The following DCDC1 variants were observed in gnomAD, a reference collection of about 807,000 sequenced individuals.
DCDC1 encodes the protein doublecortin domain-containing protein 1.
Under a neutral mutation model 178.3 loss-of-function variants are expected in DCDC1, and 200 were observed. The observed-to-expected ratio is 1.12, with a 90% CI of 1.00 to 1.26. The LOEUF is 1.26. DCDC1 is among the 50% of genes most tolerant of loss of function. The pLI is 0.00. For missense variants in DCDC1, 1,983 were observed against 1,749.2 expected, an observed-to-expected ratio of 1.13 and a Z score of -2.38; for synonymous variants, 690 against 604.8, an observed-to-expected ratio of 1.14 and a Z score of -2.07.
intron 14 of DCDC1, among the ~76,000 whole-genome samples, chr11:31,102,693 G>T (rs560322803): frequency 1.3e-5 from 2 of 152,306 alleles, no homozygotes; most frequent in African/African-American, 4.8e-5. Flanking sequence ...ATCTGCTGCA[G>T]TGTCCAATAT....
chr11:30,911,380 C>G lies in DCDC1; in HGVS notation c.3694G>C (p.Val1232Leu), dbSNP rs1397276764. 1 of 1,605,360 alleles carries G rather than the reference C, an allele frequency of 6.2e-7. No individual in the cohort carries two copies. Among genetic ancestry groups the G allele is most frequent in the Non-Finnish European group, 8.5e-7 (1 of 1,175,914 alleles). The change falls in exon 28 of 39, where the codon GTG (valine) becomes CTG (leucine). Residue 1232 changes from valine (V) to leucine (L), a missense_variant. Coordinates refer to ENST00000684477, the MANE Select transcript of DCDC1 (RefSeq NM_001387274.1). ...TCATTTCTAGTCTTGGTCATAGACA[C>G]TGCCAGCACAAGGTCAGGGTTACTC... ...LVSNPDLVLA[V>L]SMTKTRNEVC...
intron 21 of DCDC1, among the ~76,000 whole-genome samples, chr11:30,947,481 A>G (rs929945589): frequency 6.6e-6 from 1 of 152,200 alleles, no homozygotes; most frequent in Non-Finnish European, 1.5e-5. Flanking sequence ...TTCTTCAATA[A>G]ATGGTGCTGG....
chr11:31,105,086 A>G (rs1286344169), intron 13 of DCDC1, among the ~76,000 whole-genome samples: 2 of 152,086 alleles, frequency 1.3e-5, no homozygotes, highest in Non-Finnish European at 2.9e-5. Context: ...TTTTCTCAAC[A>G]TATTTCAAAC....
chr11:31,020,895 A>G (rs918526296), intron 20 of DCDC1, among the ~76,000 whole-genome samples: 3 of 152,252 alleles, frequency 2.0e-5, no homozygotes, highest in Non-Finnish European at 4.4e-5. Context: ...TTCCCATTAT[A>G]TAAAATTCTT....
At position 30,894,301 on chromosome 11, in the gene DCDC1, T is replaced by A. The variant is rs1205123589; in HGVS notation, c.4849A>T (p.Thr1617Ser). The A allele has an allele frequency of 1.2e-6, 2 of 1,613,826 alleles. No homozygotes were observed. Among genetic ancestry groups the A allele is most frequent in the African/African-American group, 2.7e-5 (2 of 74,938 alleles). The change falls in exon 35 of 39, where the codon ACC (threonine) becomes TCC (serine). Residue 1617 changes from threonine to serine, a missense_variant. Transcript: ENST00000684477. ...VQPVVVEGGW[T>S]EQTQQEIKLM... is the part of the protein sequence containing the mutation. ...TTAATTTCCTGTTGAGTCTGTTCGGTCCAGCCTCCTTCAACCACCACGGGC... is the reference window on the plus strand; with the variant it reads ...TTAATTTCCTGTTGAGTCTGTTCGGACCAGCCTCCTTCAACCACCACGGGC...
chr11:30,988,597 TTCTC>T (rs1950793634), intron 20 of DCDC1, among the ~76,000 whole-genome samples: 1 of 152,172 alleles, frequency 6.6e-6, no homozygotes, highest in South Asian at 2.1e-4. Flanking sequence ...TACTAAGCCT[TTCTC>T]TATCTACAGC....
intron 20 of DCDC1, among the ~76,000 whole-genome samples, chr11:30,977,712 C>G (rs1407737362): frequency 1.3e-5 from 2 of 152,070 alleles, no homozygotes; most frequent in Non-Finnish European, 2.9e-5. Context: ...GGCAGATTGC[C>G]TGAGCTCAGG....
intron 2 of DCDC1, among the ~76,000 whole-genome samples, chr11:31,328,603 C>T (rs1337618680): frequency 1.3e-5 from 2 of 151,948 alleles, no homozygotes; most frequent in Non-Finnish European, 2.9e-5. Flanking sequence ...TAGAGACCAT[C>T]CTGGCTAACA....
chr11:30,921,903 A>C (rs1246357066), intron 24 of DCDC1, among the ~76,000 whole-genome samples: 1 of 152,128 alleles, frequency 6.6e-6, no homozygotes, highest in Non-Finnish European at 1.5e-5. Context: ...GATGCCAAGC[A>C]GGGGTGAGGT....
At chr11:30,979,802 A>G (rs1024255183) in intron 20 of DCDC1, among the ~76,000 whole-genome samples, 1 of 152,226 alleles carries the variant, frequency 6.6e-6, no homozygotes, top group African/African-American at 2.4e-5. Context: ...TGTGACTGTC[A>G]TAAAAGAAGT....
intron 9 of DCDC1, among the ~76,000 whole-genome samples, chr11:31,164,567 TA>T (rs546680815): frequency 5.3e-5 from 8 of 151,190 alleles, no homozygotes; most frequent in African/African-American, 7.3e-5. Context: ...GTTTAAAACG[TA>T]AAAAAAAATT....
At chr11:31,327,140 T>G (rs989095112) in intron 3 of DCDC1, among the ~76,000 whole-genome samples, 1 of 152,124 alleles carries the variant, frequency 6.6e-6, no homozygotes, top group Non-Finnish European at 1.5e-5. Context: ...ATTGAGACTA[T>G]CATCTGTCTT....
intron 11 of DCDC1, among the ~76,000 whole-genome samples, chr11:31,122,363 C>T (rs1383434054): frequency 6.6e-6 from 1 of 152,042 alleles, no homozygotes; most frequent in Non-Finnish European, 1.5e-5. Context: ...GGTAATCTTG[C>T]TATGATTGTC....
At chr11:31,307,499 A>AAAAAAC (rs369668059) in intron 4 of DCDC1, 140 bp downstream of exon 4, 170 of 1,190,806 alleles carry the variant, frequency 1.4e-4, no homozygotes, top group Non-Finnish European at 1.8e-4. Context: ...CTTTCAAAGA[A>AAAAAAC]AAAAACAAAA....
chr11:30,989,889 A>C (rs1950876732), intron 20 of DCDC1, among the ~76,000 whole-genome samples: 1 of 152,134 alleles, frequency 6.6e-6, no homozygotes, highest in Non-Finnish European at 1.5e-5. Flanking sequence ...GCTGTGAATG[A>C]CAGGAAGAGA....
intron 20 of DCDC1, among the ~76,000 whole-genome samples, chr11:30,973,405 A>T (rs1305511449): frequency 6.6e-6 from 1 of 152,108 alleles, no homozygotes; most frequent in African/African-American, 2.4e-5. Flanking sequence ...GAAGCCAAGC[A>T]GAAGCTGCCA....
intron 1 of DCDC1, among the ~76,000 whole-genome samples, chr11:31,364,349 A>G (rs1951853725): frequency 6.6e-6 from 1 of 152,194 alleles, no homozygotes; most frequent in African/African-American, 2.4e-5. Flanking sequence ...TGGTGATAAG[A>G]AAAAAGAGAA....
chr11:31,016,992 G>T (rs1952518996), intron 20 of DCDC1, among the ~76,000 whole-genome samples: 1 of 152,122 alleles, frequency 6.6e-6, no homozygotes, highest in Non-Finnish European at 1.5e-5. Flanking sequence ...TCCAGAAATT[G>T]TTTGATTGTC....
chr11:31,118,322 T>A (rs1960276949), intron 11 of DCDC1, among the ~76,000 whole-genome samples: 1 of 152,162 alleles, frequency 6.6e-6, no homozygotes, highest in African/African-American at 2.4e-5. Context: ...GTACAAAAGC[T>A]TACTATCTAT....
Sources: gnomAD v4.1 joint callset for allele counts (sites outside exome capture counted in the v4.1 genomes callset) on GRCh38, gnomAD v4.1.1 for gene constraint, MANE v1.5 for transcripts, NCBI Gene and HGNC (gene_info 2026-07-23, HGNC 2026-07-21) for gene names.